SIPA1: variants seen among roughly 807,000 people sequenced by gnomAD.
SIPA1 encodes signal-induced proliferation-associated protein 1.
A neutral mutation model predicts 88.1 loss-of-function variants in SIPA1; 51 were observed. The observed-to-expected ratio is 0.58, with a 90% CI of 0.46 to 0.73. The LOEUF is 0.73. SIPA1 is among the 30% of genes least tolerant of loss of function. The pLI is 0.00. For synonymous variants in SIPA1, 681 were observed against 664.8 expected (o/e 1.02, Z -0.37); for missense variants, 1,348 against 1,467.6 (o/e 0.92, Z 1.33).
At chr11:65,650,331 G>A in intron 14 of SIPA1, 70 bp from the exon 15 acceptor site, 3 of 1,566,734 alleles carry the variant, frequency 1.9e-6, no homozygotes, top group Non-Finnish European at 2.6e-6. Flanking sequence ...CTCATTAGCT[G>A]GGGCTGGGAG....
At position 65,642,469 on chromosome 11, in the gene SIPA1, A is replaced by G; in HGVS notation, c.814A>G (p.Thr272Ala). 6.2e-7 allele frequency: 1 copy of G among 1,611,234 alleles called. No homozygotes were observed. The change falls in exon 4 of 16, where the codon ACA becomes GCA. Residue 272 changes from threonine to alanine, a missense_variant. Thr to Ala is a moderately conservative substitution (Grantham distance 58, BLOSUM62 0). Coordinates refer to ENST00000534313, the MANE Select transcript of SIPA1 (RefSeq NM_006747.4). This position sits in a 1 kb window ranked among gnomAD's most constrained non-coding sequence, Gnocchi z 6.5. ...CCTTACACCCCTTCCTCAGCTCCGG[A>G]CACTCCGTGGCACCATCTCGGAGGA... ...RVIVRTTQLR[T>A]LRGTISEDAL...
chr11:65,640,959 G>A lies in SIPA1; in HGVS notation c.38G>A (p.Arg13Gln), dbSNP rs961504325. ...GCCGGCGGTGTGGGGAGCCCTCGGC[G>A]GGGCATGGCCCCTGCGTCCACAGAT... ...MWAGGVGSPR[R>Q]GMAPASTDDL... Residue 13 changes from arginine to glutamine, a missense_variant, in exon 2 of 16, where the codon CGG becomes CAG. Transcript: ENST00000534313. 13 of 1,552,000 alleles carry A rather than the reference G, an allele frequency of 8.4e-6. No individual in the cohort carries two copies. The East Asian group carries it at 1.4e-4, about 16-fold the overall frequency.
intron 2 of SIPA1, chr11:65,641,978 A>G: frequency 1.8e-6 from 1 of 550,562 alleles, no homozygotes; most frequent in East Asian, 3.3e-5. Flanking sequence ...CAGGACATAG[A>G]AGGGAGAATG....
In SIPA1 at chr11:65,650,301, A is replaced by G. The variant is rs1856237642; in HGVS notation, c.2904-100A>G. 6.5e-6 allele frequency: 10 copies of G among 1,538,068 alleles called. No individual in the cohort carries two copies. In the South Asian group the frequency reaches 1.0e-4, roughly 16 times the overall value. ...CTGGGCTCTGCTGCCACATATGCCT[A>G]GAAGACCAGCGGGGCCCCTCTCATT... On this transcript the variant is annotated intron_variant, in intron 14 of 15. Coordinates refer to ENST00000534313, the MANE Select transcript of SIPA1 (RefSeq NM_006747.4).
In SIPA1 at chr11:65,641,215, G is replaced by A; in HGVS notation, c.294G>A (p.Leu98=). ...LFTDPLALLG[L]PAEEPEPAFP... ...CTGACCCGCTGGCACTGCTGGGGCTGCCAGCAGAGGAACCAGAGCCTGCCT... is the reference window on the plus strand; with the variant it reads ...CTGACCCGCTGGCACTGCTGGGGCTACCAGCAGAGGAACCAGAGCCTGCCT... Residue 98 remains leucine, a synonymous_variant, in exon 2 of 16, where the codon CTG becomes CTA. Coordinates refer to ENST00000534313, the MANE Select transcript of SIPA1 (RefSeq NM_006747.4). The A allele has an allele frequency of 6.2e-7, 1 of 1,612,670 alleles. No individual in the cohort carries two copies. The highest frequency in any genetic ancestry group is 2.2e-5 in the East Asian group (1 of 44,882).
At position 65,646,931 on chromosome 11, in the gene SIPA1, G is replaced by T. The variant is rs1200424119; in HGVS notation, c.1897G>T (p.Ala633Ser). The T allele has an allele frequency of 3.3e-6, 5 of 1,536,042 alleles. No individual in the cohort carries two copies. The highest frequency in any genetic ancestry group is 1.4e-5 in the African/African-American group (1 of 73,152). Residue 633 changes from alanine to serine, a missense_variant, in exon 8 of 16, where the codon GCC becomes TCC. Transcript: ENST00000534313. This position sits in a 1 kb window ranked among gnomAD's most constrained non-coding sequence, Gnocchi z 7.5. The stretch of plus-strand genomic sequence containing the variant: ...CGACGGCCGCGTAGTGTTCAATTGC[G>T]CCTGTCGCGACGTGCTGGCCTGGAC... ...PRDGRVVFNC[A>S]CRDVLAWTFS...
chr11:65,645,032 G>C lies in SIPA1; in HGVS notation c.1062G>C (p.Gln354His), dbSNP rs940278086. 2 of 1,613,970 alleles carry C rather than the reference G, an allele frequency of 1.2e-6. No individual in the cohort carries two copies. Among genetic ancestry groups the C allele is most frequent in the Non-Finnish European group, 1.7e-6 (2 of 1,179,964 alleles). The change falls in exon 5 of 16, where the codon CAG (glutamine) becomes CAC (histidine). Residue 354 changes from glutamine to histidine, a missense_variant. By Grantham distance (24) the Gln-to-His change is conservative. Transcript: ENST00000534313. ...QGSEEEMYNN[Q>H]EAGPAFMQFL... is the part of the protein sequence containing the mutation. ...CGGAGGAGGAGATGTACAACAACCA[G>C]GAGGCGGGACCGGCCTTCATGCAGT...
In SIPA1 at chr11:65,647,557, T is replaced by A; in HGVS notation, c.2205T>A (p.Thr735=). ...GARLLRVCGQ[T]LPSLRPEAAA... ...GCCTCCTGCGCGTGTGCGGCCAGAC[T>A]CTGCCCAGCCTCCGGCCCGAGGCCG... The change falls in exon 9 of 16, where the codon ACT becomes ACA. Residue 735 remains threonine, a synonymous_variant. Coordinates refer to ENST00000534313, the MANE Select transcript of SIPA1 (RefSeq NM_006747.4). 7.5e-7 allele frequency: 1 copy of A among 1,328,818 alleles called. No homozygotes were observed. Among genetic ancestry groups the A allele is most frequent in the Admixed American group, 4.1e-5 (1 of 24,302 alleles). The allele number at this position is 1,328,818 out of a possible 1,614,324, so 82.3% of individuals were successfully genotyped here.
intron 1 of SIPA1, among the ~76,000 whole-genome samples, chr11:65,639,626 C>A (rs1214322197): frequency 6.6e-6 from 1 of 151,928 alleles, no homozygotes; most frequent in Non-Finnish European, 1.5e-5. Flanking sequence ...CCATTAGATG[C>A]CTGTACCCCC....
At position 65,641,239 on chromosome 11, in the gene SIPA1, C is replaced by T. The variant is rs139543289; in HGVS notation, c.318C>T (p.Ala106=). 5 of 1,613,200 alleles carry T rather than the reference C, an allele frequency of 3.1e-6. No individual in the cohort carries two copies. The highest frequency in any genetic ancestry group is 1.3e-5 in the African/African-American group (1 of 74,938). ...TGCCAGCAGAGGAACCAGAGCCTGC[C>T]TTCCCACCAGTGCTTGAGCCTCGAT... ...LGLPAEEPEP[A]FPPVLEPRWF... is the part of the protein sequence containing the mutation. Residue 106 remains alanine (A), a synonymous_variant, in exon 2 of 16, where the codon GCC becomes GCT. Coordinates refer to ENST00000534313, the MANE Select transcript of SIPA1 (RefSeq NM_006747.4).
intron 4 of SIPA1, among the ~76,000 whole-genome samples, chr11:65,643,073 G>A (rs1463337976): frequency 2.0e-5 from 3 of 152,014 alleles, no homozygotes; most frequent in East Asian, 1.9e-4. Flanking sequence ...ATGCCACCAC[G>A]CCCAGCTAAT....
At chr11:65,641,763 A>T (rs1443042446) in intron 2 of SIPA1, among the ~76,000 whole-genome samples, 163 bp downstream of exon 2, 1 of 152,132 alleles carries the variant, frequency 6.6e-6, no homozygotes, top group African/African-American at 2.4e-5. Context: ...ACCTACTTTC[A>T]ACCACCTTCT....
intron 9 of SIPA1, among the ~76,000 whole-genome samples, chr11:65,648,872 C>T (rs533612131): frequency 3.9e-5 from 6 of 152,124 alleles, no homozygotes; most frequent in African/African-American, 1.4e-4. Flanking sequence ...GCTTAGCTCG[C>T]AGTACAGAAA....
Position 65,646,415 on chromosome 11 carries a change from T to C in SIPA1, c.1421+37T>C. 6.3e-7 allele frequency: 1 copy of C among 1,599,934 alleles called. No homozygotes were observed. Among genetic ancestry groups the C allele is most frequent in the Non-Finnish European group, 8.5e-7 (1 of 1,176,664 alleles). On this transcript the variant is annotated intron_variant, in intron 7 of 15. Coordinates refer to ENST00000534313, the MANE Select transcript of SIPA1 (RefSeq NM_006747.4). The surrounding 1 kb of genome is among the most constrained non-coding windows in gnomAD (Gnocchi z 7.5). ...AGTGGTCCCAGGTCTCCCGTGGGCA[T>C]GGAGTCCTGCCGCCCCTCACTAACG... is the stretch of plus-strand genomic sequence containing the variant.
intron 6 of SIPA1, 22 bp downstream of exon 6, chr11:65,645,979 G>C (rs757428322): frequency 3.2e-6 from 5 of 1,568,474 alleles, no homozygotes; most frequent in Non-Finnish European, 4.4e-6. Context: ...ACCAACGTGG[G>C]GGTGGGGCTT....
chr11:65,642,013 C>G lies in SIPA1; in HGVS notation c.680-237C>G. The G allele has an allele frequency of 3.5e-6, 2 of 577,756 alleles. No individual in the cohort carries two copies. Among genetic ancestry groups the G allele is most frequent in the Non-Finnish European group, 6.0e-6 (2 of 335,628 alleles). The allele number at this position is 577,756 out of a possible 1,614,324, so 35.8% of individuals were successfully genotyped here. On this transcript the variant is annotated intron_variant, in intron 2 of 15. Coordinates refer to ENST00000534313, the MANE Select transcript of SIPA1 (RefSeq NM_006747.4). The surrounding 1 kb of genome is among the most constrained non-coding windows in gnomAD (Gnocchi z 6.5). ...GAGGGCGTGGTGGGTGGAGCCAAGGCAGGATTTAGGCCTGGGAGCTGGCCG... is the reference window on the plus strand; with the variant it reads ...GAGGGCGTGGTGGGTGGAGCCAAGGGAGGATTTAGGCCTGGGAGCTGGCCG...
rs1337823484 is a variant in SIPA1, at chr11:65,640,872, C to T, written c.-50C>T. 1.4e-6 allele frequency: 2 copies of T among 1,418,408 alleles called. No homozygotes were observed. Among genetic ancestry groups the T allele is most frequent in the Non-Finnish European group, 1.8e-6 (2 of 1,083,804 alleles). 87.9% of individuals were successfully genotyped at this position (1,418,408 alleles called of 1,614,324 possible). A position where few individuals can be genotyped will look rare whatever the true frequency, so the allele number is the denominator to read the frequency against. On this transcript the variant is annotated 5_prime_UTR_variant, in exon 2 of 16. Transcript: ENST00000534313. ...ACAACCTCAGGCTGGGCACCAAACA[C>T]CCGTGCCCGCCAATGCGGCCCAGCC...
chr11:65,650,291 A>T (rs141845344), intron 14 of SIPA1, 99 bp downstream of exon 14: 143 of 1,536,150 alleles, frequency 9.3e-5, no homozygotes, highest in Non-Finnish European at 1.3e-4. Flanking sequence ...CTCTGCTGCC[A>T]CATATGCCTA....
chr11:65,650,234 T>A (rs768493135), intron 14 of SIPA1, 42 bp downstream of exon 14: 1 of 1,602,354 alleles, frequency 6.2e-7, no homozygotes. Context: ...CCTGCCCACA[T>A]GACCCCCCCT....
Sources: gnomAD v4.1 joint callset for allele counts (sites outside exome capture counted in the v4.1 genomes callset) on GRCh38, gnomAD v4.1.1 for gene constraint, Gnocchi (gnomAD v3.1) non-coding constraint, MANE v1.5 for transcripts, NCBI Gene and HGNC (gene_info 2026-07-23, HGNC 2026-07-21) for gene names.